The following TUSC3 variants were observed in gnomAD, a reference collection of about 807,000 sequenced individuals.
The protein encoded by TUSC3 is tumor suppressor candidate 3, also known as dolichyl-diphosphooligosaccharide--protein glycosyltransferase subunit TUSC3.
In TUSC3, 45 loss-of-function variants were observed where a neutral mutation model predicts 44.8. The ratio of observed to expected loss-of-function variants is 1.00; its 90% CI spans 0.79 to 1.29. TUSC3 has a LOEUF of 1.29. TUSC3 is among the 50% of genes most tolerant of loss of function. The pLI is 0.00. For missense variants in TUSC3, 519 were observed against 437.9 expected (o/e 1.19, Z -1.65); for synonymous variants, 212 against 152.9 (o/e 1.39, Z -2.85).
At chr8:15,447,052 A>ATTGG (rs1301659710) in intron 1 of TUSC3, among the ~76,000 whole-genome samples, 1 of 152,092 alleles carries the variant, frequency 6.6e-6, no homozygotes, top group East Asian at 1.9e-4. Context: ...CAAATGCAGA[A>ATTGG]GAAAAAAAAA....
At chr8:15,827,303 G>A in the TUSC3 span, among the ~76,000 whole-genome samples, 15 of 152,144 alleles carry the variant, frequency 9.9e-5, no homozygotes, top group Non-Finnish European at 1.6e-4. Flanking sequence ...GAGCAGTAAC[G>A]GCTGAAGACA....
At chr8:15,671,650 T>A (rs1038972739) in intron 5 of TUSC3, among the ~76,000 whole-genome samples, 1 of 152,056 alleles carries the variant, frequency 6.6e-6, no homozygotes, top group African/African-American at 2.4e-5. Flanking sequence ...TTAAGATGAT[T>A]TTTTAAACTG....
chr8:15,776,404 T>C, the TUSC3 span, among the ~76,000 whole-genome samples: 2 of 152,060 alleles, frequency 1.3e-5, no homozygotes, highest in Non-Finnish European at 2.9e-5. Context: ...GGCTATTGCT[T>C]GATAACTAAG....
At chr8:15,802,676 T>C in the TUSC3 span, among the ~76,000 whole-genome samples, 1 of 151,830 alleles carries the variant, frequency 6.6e-6, no homozygotes, top group African/African-American at 2.4e-5. Flanking sequence ...ACTTTTTTTT[T>C]TTTGCCAGAA....
chr8:15,791,932 C>T, the TUSC3 span, among the ~76,000 whole-genome samples: 7 of 152,066 alleles, frequency 4.6e-5, no homozygotes, highest in East Asian at 3.9e-4. Context: ...AAAACTCAAC[C>T]GGTGACAAAG....
At chr8:15,587,593 T>G (rs1563305247) in intron 1 of TUSC3, among the ~76,000 whole-genome samples, 1 of 152,178 alleles carries the variant, frequency 6.6e-6, no homozygotes, top group Non-Finnish European at 1.5e-5. Context: ...TCCTCTCTTC[T>G]AGGTCTTTGA....
intron 1 of TUSC3, among the ~76,000 whole-genome samples, chr8:15,602,497 C>G (rs924551924): frequency 6.6e-6 from 1 of 151,306 alleles, no homozygotes; most frequent in Admixed American, 6.6e-5. Context: ...GGTGATTTCT[C>G]TTGGTGGAAG....
At chr8:15,427,661 G>A (rs567068164) in intron 1 of TUSC3, among the ~76,000 whole-genome samples, 35 of 145,360 alleles carry the variant, frequency 2.4e-4, no homozygotes, top group African/African-American at 8.2e-4. Context: ...TCTAAAACTT[G>A]CCTTGGTCTC....
At chr8:15,685,603 C>T (rs540043363) in intron 6 of TUSC3, among the ~76,000 whole-genome samples, 3 of 152,170 alleles carry the variant, frequency 2.0e-5, no homozygotes, top group Non-Finnish European at 4.4e-5. Context: ...GTGGTATTCA[C>T]TGCAGTCCTC....
intron 1 of TUSC3, among the ~76,000 whole-genome samples, chr8:15,604,294 GA>G (rs1181253083): frequency 3.3e-5 from 5 of 151,576 alleles, no homozygotes; most frequent in African/African-American, 9.7e-5. Flanking sequence ...AAAAGAGGGG[GA>G]AAGTAAGATG....
chr8:15,540,381 A>T lies in TUSC3; in HGVS notation c.-50A>T. ...CCGGGCAGGCGTGGTGCGCGGTAGG[A>T]GCTGGGCGCGCACGGCTACCGCGCG... On this transcript the variant is annotated 5_prime_UTR_variant, in exon 1 of 11. Coordinates refer to ENST00000503731, the MANE Select transcript of TUSC3 (RefSeq NM_006765.4). 1 of 1,501,064 alleles carries T rather than the reference A, an allele frequency of 6.7e-7. No homozygotes were observed. The highest frequency in any genetic ancestry group is 8.9e-7 in the Non-Finnish European group (1 of 1,123,254). The allele number at this position is 1,501,064 out of a possible 1,614,324, so 93.0% of individuals were successfully genotyped here. A position where few individuals can be genotyped will look rare whatever the true frequency, so the allele number is the denominator to read the frequency against.
chr8:15,629,473 A>T (rs995925232), intron 2 of TUSC3, among the ~76,000 whole-genome samples: 2 of 151,866 alleles, frequency 1.3e-5, no homozygotes, highest in East Asian at 1.9e-4. Flanking sequence ...TATTCAAATT[A>T]TATTTCTGAG....
the TUSC3 span, among the ~76,000 whole-genome samples, chr8:15,817,269 G>C: frequency 6.6e-6 from 1 of 151,956 alleles, no homozygotes; most frequent in African/African-American, 2.4e-5. Context: ...CATGGTATGT[G>C]GTGGCTGTCC....
intron 1 of TUSC3, among the ~76,000 whole-genome samples, chr8:15,608,222 T>A (rs759896471): frequency 1.3e-5 from 2 of 152,194 alleles, no homozygotes; most frequent in African/African-American, 2.4e-5. Flanking sequence ...CTTATTTTGA[T>A]TGAGTTCTTG....
rs28412957 is a variant in TUSC3 at position 15,446,016 on chromosome 8, G to A, written n.91+28711G>A. The stretch of plus-strand genomic sequence containing the variant: ...ACGCTCCTCACTTCCCAGACGGGCC[G>A]GCTGCCGGGCGGAGGGGCTCCTCAC... On this transcript the variant is annotated intron_variant and non_coding_transcript_variant, in intron 1 of 5. Transcript: ENST00000503191. 2.6e-3 allele frequency among the ~76,000 whole-genome samples: 386 copies of A among 150,988 alleles called. 2 individuals carry two copies. In the East Asian group the frequency reaches 0.042, roughly 16 times the overall value.
At chr8:15,647,136 A>G (rs1435563686) in intron 2 of TUSC3, among the ~76,000 whole-genome samples, 3 of 152,156 alleles carry the variant, frequency 2.0e-5, no homozygotes, top group African/African-American at 4.8e-5. Context: ...CATAATTATT[A>G]CATTTGAGTT....
chr8:15,821,162 T>C, the TUSC3 span, among the ~76,000 whole-genome samples: 1 of 152,156 alleles, frequency 6.6e-6, no homozygotes, highest in African/African-American at 2.4e-5. Context: ...ATGATGTATA[T>C]ATAATTCTGG....
the TUSC3 span, among the ~76,000 whole-genome samples, chr8:15,811,569 C>T: frequency 6.6e-6 from 1 of 152,096 alleles, no homozygotes; most frequent in Non-Finnish European, 1.5e-5. Flanking sequence ...CCAACCAGAA[C>T]TGGGGGTTTG....
the TUSC3 span, among the ~76,000 whole-genome samples, chr8:15,849,869 C>G: frequency 2.6e-5 from 4 of 152,172 alleles, no homozygotes; most frequent in South Asian, 6.2e-4. Context: ...CAGTGCTGAG[C>G]TCCAGTGATC....
Sources: gnomAD v4.1 joint callset for allele counts (sites outside exome capture counted in the v4.1 genomes callset) on GRCh38, gnomAD v4.1.1 for gene constraint, MANE v1.5 for transcripts, NCBI Gene and HGNC (gene_info 2026-07-23, HGNC 2026-07-21) for gene names.